EPB41L4B: variants seen among roughly 807,000 people sequenced by gnomAD.
EPB41L4B encodes band 4.1-like protein 4B.
Under a neutral mutation model 112.5 loss-of-function variants are expected in EPB41L4B, and 30 were observed. That is an observed-to-expected ratio of 0.27 (90% CI 0.20 to 0.36). The LOEUF is 0.36. EPB41L4B is among the 10% of genes least tolerant of loss of function. The pLI is 1.00. For missense variants in EPB41L4B, 1,024 were observed against 1,133.3 expected (o/e 0.90, Z 1.38); for synonymous variants, 408 against 439.7 (o/e 0.93, Z 0.90).
chr9:109,273,938 C>T (rs756545505), intron 2 of EPB41L4B, among the ~76,000 whole-genome samples: 15 of 152,166 alleles, frequency 9.9e-5, no homozygotes, highest in Non-Finnish European at 1.5e-4. Context: ...CCAGTAGTGT[C>T]CACACAAGTG....
At chr9:109,243,808 C>T (rs764898166) in intron 14 of EPB41L4B, 126 bp from the exon 15 acceptor site, 43 of 859,434 alleles carry the variant, frequency 5.0e-5, no homozygotes, top group Non-Finnish European at 7.2e-5. Context: ...GCTATAGACC[C>T]TGGCTAGGGG....
At chr9:109,298,313 CT>C (rs68012872) in intron 1 of EPB41L4B, among the ~76,000 whole-genome samples, 37 of 143,108 alleles carry the variant, frequency 2.6e-4, no homozygotes, top group Middle Eastern at 3.7e-3. Context: ...ATCATATATG[CT>C]TTTTTTTTTT....
chr9:109,271,915 T>C (rs1197349850), intron 2 of EPB41L4B, among the ~76,000 whole-genome samples: 1 of 152,230 alleles, frequency 6.6e-6, no homozygotes, highest in Admixed American at 6.5e-5. Context: ...TGTGAGATGA[T>C]CTTGGCAAGG....
chr9:109,313,486 C>G (rs1262521024), intron 1 of EPB41L4B, among the ~76,000 whole-genome samples: 2 of 152,206 alleles, frequency 1.3e-5, no homozygotes, highest in African/African-American at 2.4e-5. Context: ...CAGGTCAGCT[C>G]TGGCTGGTAG....
At chr9:109,257,107 G>T (rs1290004056) in intron 7 of EPB41L4B, among the ~76,000 whole-genome samples, 1 of 152,220 alleles carries the variant, frequency 6.6e-6, no homozygotes, top group African/African-American at 2.4e-5. Flanking sequence ...GTGTGTGGGT[G>T]GGGTGTGCCA....
intron 15 of EPB41L4B, among the ~76,000 whole-genome samples, chr9:109,243,282 C>T (rs575341510): frequency 7.1e-6 from 1 of 140,336 alleles, no homozygotes; most frequent in African/African-American, 2.6e-5. Context: ...CCCAAGCTTT[C>T]ATCACATTTA....
chr9:109,185,704 G>A (rs1056227581), intron 22 of EPB41L4B, 99 bp from the exon 23 acceptor site: 8 of 854,850 alleles, frequency 9.4e-6, no homozygotes, highest in Non-Finnish European at 1.4e-5. Flanking sequence ...AGACAGCACA[G>A]TGCAAGACAG....
chr9:109,240,311 A>C (rs1834309606), intron 15 of EPB41L4B: 2 of 985,462 alleles, frequency 2.0e-6, no homozygotes, highest in African/African-American at 1.7e-5. Context: ...CAAATGCCTT[A>C]GGGAGAGTTT....
At chr9:109,226,205 G>C (rs980949431) in intron 15 of EPB41L4B, among the ~76,000 whole-genome samples, 1 of 152,100 alleles carries the variant, frequency 6.6e-6, no homozygotes, top group Non-Finnish European at 1.5e-5. Flanking sequence ...TTTTACATAG[G>C]TTTGGTCAAT....
At chr9:109,306,599 C>A (rs1015375473) in intron 1 of EPB41L4B, among the ~76,000 whole-genome samples, 1 of 127,180 alleles carries the variant, frequency 7.9e-6, no homozygotes, top group Admixed American at 9.0e-5. Context: ...GGCAACAGAG[C>A]GAGCAAAAAA....
In EPB41L4B at chr9:109,286,165, GTGGATGGA is replaced by G. The variant is rs1220345971; in HGVS notation, c.307-6252_307-6245del. On this transcript the variant is annotated intron_variant, in intron 1 of 25. Transcript: ENST00000374566. ...GGAGGGTAGGTGGGTGGGTGGGTGG[GTGGATGGA>G]TGGATGGATGGATGGATGGGTGGAT... Among the ~76,000 whole-genome samples the G allele has an allele frequency of 1.6e-3, 175 of 112,014 alleles. 1 individual carries two copies. In the East Asian group the frequency reaches 0.019, roughly 12 times the overall value. The allele number at this position is 112,014 out of a possible 152,430, so 73.5% of individuals were successfully genotyped here. A position where few individuals can be genotyped will look rare whatever the true frequency, so the allele number is the denominator to read the frequency against.
intron 14 of EPB41L4B, among the ~76,000 whole-genome samples, chr9:109,244,264 C>T (rs1356949002): frequency 6.6e-6 from 1 of 151,248 alleles, no homozygotes; most frequent in Non-Finnish European, 1.5e-5. Context: ...ACAAACAAAA[C>T]CATCCAGAGC....
At chr9:109,189,673 G>A (rs761994582) in intron 22 of EPB41L4B, among the ~76,000 whole-genome samples, 1 of 152,118 alleles carries the variant, frequency 6.6e-6, no homozygotes, top group Non-Finnish European at 1.5e-5. Context: ...TTGTTGCCCA[G>A]GCTGGAATGC....
At chr9:109,227,106 G>A (rs1357093331) in intron 15 of EPB41L4B, among the ~76,000 whole-genome samples, 1 of 151,792 alleles carries the variant, frequency 6.6e-6, no homozygotes, top group African/African-American at 2.4e-5. Flanking sequence ...CTAAAGCACT[G>A]GTATTACAGG....
chr9:109,212,022 T>C (rs1325087738), intron 17 of EPB41L4B, among the ~76,000 whole-genome samples: 2 of 152,008 alleles, frequency 1.3e-5, no homozygotes, highest in Non-Finnish European at 2.9e-5. Context: ...GCCAGGCCAA[T>C]TTCTTTGAGT....
intron 1 of EPB41L4B, among the ~76,000 whole-genome samples, chr9:109,300,642 CA>C (rs2119217260): frequency 6.6e-6 from 1 of 152,068 alleles, no homozygotes; most frequent in South Asian, 2.1e-4. Context: ...AAACATTAGC[CA>C]GGCGTGGTGA....
chr9:109,243,842 C>T (rs375851103), intron 14 of EPB41L4B, among the ~76,000 whole-genome samples, 160 bp from the exon 15 acceptor site: 19 of 152,210 alleles, frequency 1.2e-4, no homozygotes, highest in Non-Finnish European at 2.2e-4. Flanking sequence ...AGGACGATCA[C>T]GTTTCCCCCT....
At chr9:109,227,198 G>T (rs1376261726) in intron 15 of EPB41L4B, among the ~76,000 whole-genome samples, 1 of 151,928 alleles carries the variant, frequency 6.6e-6, no homozygotes, top group Non-Finnish European at 1.5e-5. Flanking sequence ...AATTACTTTT[G>T]TTTTAATATA....
chr9:109,312,286 A>G (rs992290774), intron 1 of EPB41L4B, among the ~76,000 whole-genome samples: 4 of 152,242 alleles, frequency 2.6e-5, no homozygotes, highest in Admixed American at 6.5e-5. Context: ...TCTTTGAGAT[A>G]ATTTTAATGT....
Sources: gnomAD v4.1 joint callset for allele counts (sites outside exome capture counted in the v4.1 genomes callset) on GRCh38, gnomAD v4.1.1 for gene constraint, MANE v1.5 for transcripts, NCBI Gene and HGNC (gene_info 2026-07-23, HGNC 2026-07-21) for gene names.